The following FBXO32 variants were observed in gnomAD, a reference collection of about 807,000 sequenced individuals.
The protein encoded by FBXO32 is F-box only protein 32.
Under a neutral mutation model 48.3 loss-of-function variants are expected in FBXO32, and 15 were observed. The observed-to-expected ratio is 0.31, with a 90% CI of 0.21 to 0.48. FBXO32 has a LOEUF of 0.48. FBXO32 is among the 20% of genes least tolerant of loss of function. The pLI is 0.99. For missense variants in FBXO32, 309 were observed against 432.7 expected, an observed-to-expected ratio of 0.71 and a Z score of 2.54; for synonymous variants, 154 against 165.9, an observed-to-expected ratio of 0.93 and a Z score of 0.55.
chr8:123,531,223 C>A (rs1199708969), intron 4 of FBXO32, among the ~76,000 whole-genome samples: 1 of 152,048 alleles, frequency 6.6e-6, no homozygotes, highest in Non-Finnish European at 1.5e-5. Context: ...CTCAGGTGAT[C>A]CGCCCGCTTT....
intron 4 of FBXO32, among the ~76,000 whole-genome samples, chr8:123,524,453 C>T (rs1817029639): frequency 6.6e-6 from 1 of 152,204 alleles, no homozygotes; most frequent in South Asian, 2.1e-4. Context: ...GACCCCAGTA[C>T]CAAGATGTGG....
rs866339146 is a variant in FBXO32, at chr8:123,534,798, C to T, written c.133G>A (p.Val45Ile). ...TTGAAAAGATTCTCCTTATTGTATA[C>T]CTCCTTGTTGCAGTAACTATGAATA... ...SDLSSYCNKE[V>I]YNKENLFNSL... The change falls in exon 2 of 9, where the codon GTA becomes ATA. Residue 45 changes from valine to isoleucine, a missense_variant. Val to Ile is a conservative substitution (Grantham distance 29). Coordinates refer to ENST00000517956, the MANE Select transcript of FBXO32 (RefSeq NM_058229.4). 6.2e-7 allele frequency: 1 copy of T among 1,610,752 alleles called. No homozygotes were observed. The highest frequency in any genetic ancestry group is 8.5e-7 in the Non-Finnish European group (1 of 1,177,442).
At chr8:123,522,360 C>T (rs1384181561) in intron 4 of FBXO32, among the ~76,000 whole-genome samples, 1 of 152,000 alleles carries the variant, frequency 6.6e-6, no homozygotes, top group African/African-American at 2.4e-5. Context: ...AAGTGCCTGC[C>T]ACCATGTCCG....
Position 123,513,165 on chromosome 8 carries a change from A to G in FBXO32, c.651+33T>C. The G allele has an allele frequency of 6.2e-7, 1 of 1,611,966 alleles. No homozygotes were observed. The highest frequency in any genetic ancestry group is 8.5e-7 in the Non-Finnish European group (1 of 1,178,228). ...GTCCAGTATCCCTGTGGAGGGACCC[A>G]CTGCCGGGAGGAGGCTGGGCCTGCC... is the stretch of plus-strand genomic sequence containing the variant. On this transcript the variant is annotated intron_variant, in intron 6 of 8. Transcript: ENST00000517956. The surrounding 1 kb of genome is among the most constrained non-coding windows in gnomAD (Gnocchi z 4.3).
At chr8:123,532,066 A>G in intron 3 of FBXO32, 76 bp from the exon 4 acceptor site, 1 of 1,591,134 alleles carries the variant, frequency 6.3e-7, no homozygotes, top group Non-Finnish European at 8.5e-7. Context: ...GCCAGTTAGA[A>G]CAACCCAACT....
intron 8 of FBXO32, 84 bp downstream of exon 8, chr8:123,504,520 C>T (rs1214936850): frequency 2.2e-5 from 27 of 1,206,998 alleles, no homozygotes; most frequent in East Asian, 5.3e-5. Flanking sequence ...GGCGGAAAGG[C>T]GCTGGCCTCA....
At chr8:123,531,271 C>T (rs1410949333) in intron 4 of FBXO32, among the ~76,000 whole-genome samples, 8 of 152,098 alleles carry the variant, frequency 5.3e-5, no homozygotes, top group South Asian at 2.1e-4. Context: ...TGTGAGCCAC[C>T]GCACCCGGCC....
chr8:123,518,513 T>C (rs1816883997), intron 4 of FBXO32, among the ~76,000 whole-genome samples: 1 of 152,228 alleles, frequency 6.6e-6, no homozygotes, highest in African/African-American at 2.4e-5. Context: ...GTGATACATT[T>C]AATAGCACCC....
intron 6 of FBXO32, among the ~76,000 whole-genome samples, chr8:123,509,190 G>A (rs776327615): frequency 1.5e-4 from 23 of 152,024 alleles, no homozygotes; most frequent in Non-Finnish European, 2.8e-4. Flanking sequence ...AAATTTTGCA[G>A]GAAAACAAAA....
chr8:123,513,527 T>C lies in FBXO32; in HGVS notation c.467-145A>G, dbSNP rs1472264190. On this transcript the variant is annotated intron_variant, in intron 5 of 8. Transcript: ENST00000517956. The surrounding 1 kb of genome is among the most constrained non-coding windows in gnomAD (Gnocchi z 4.3). ...TGGTTTTCTTCCTCACCAGTGTTTA[T>C]TGTACGCTTGGCCAAGCTTCTGCAC... 2 of 706,936 alleles carry C rather than the reference T, an allele frequency of 2.8e-6. No homozygotes were observed. Among genetic ancestry groups the C allele is most frequent in the African/African-American group, 1.8e-5 (1 of 55,934 alleles). The allele number at this position is 706,936 out of a possible 1,614,324, so 43.8% of individuals were successfully genotyped here.
chr8:123,540,986 G>A lies in FBXO32; in HGVS notation c.29C>T (p.Ser10Phe). The change falls in exon 1 of 9, where the codon TCC (serine) becomes TTC (phenylalanine). Residue 10 changes from serine (S) to phenylalanine (F), a missense_variant. Coordinates refer to ENST00000517956, the MANE Select transcript of FBXO32 (RefSeq NM_058229.4). The surrounding 1 kb of genome is among the most constrained non-coding windows in gnomAD (Gnocchi z 6.4). ...CGTCTTCACCCAGTTCTGCCCGGGG[G>A]ACCGCCAGTCCTGCCCGAGGAATGG... The part of the protein sequence containing the change: MPFLGQDWR[S>F]PGQNWVKTAD... The A allele has an allele frequency of 6.2e-7, 1 of 1,612,408 alleles. No homozygotes were observed.
At chr8:123,523,407 T>C (rs1817002240) in intron 4 of FBXO32, among the ~76,000 whole-genome samples, 1 of 152,104 alleles carries the variant, frequency 6.6e-6, no homozygotes, top group African/African-American at 2.4e-5. Context: ...CTGGCCAATA[T>C]GGTGAAACCC....
At position 123,541,125 on chromosome 8, in the gene FBXO32, G is replaced by A. The variant is rs553371841; in HGVS notation, c.-111C>T. 91 of 555,906 alleles carry A rather than the reference G, an allele frequency of 1.6e-4. No individual in the cohort carries two copies. In the East Asian group the frequency reaches 2.5e-3, roughly 15 times the overall value. 34.4% of individuals were successfully genotyped at this position (555,906 alleles called of 1,614,324 possible). ...TGCAGGGGCCCGCGACGGGGGCGGC[G>A]GGGCGGCGGGAACGGCGCGGGGCAC... On this transcript the variant is annotated 5_prime_UTR_variant, in exon 1 of 9. Transcript: ENST00000517956.
intron 1 of FBXO32, among the ~76,000 whole-genome samples, chr8:123,537,205 A>G (rs1173668430): frequency 6.6e-6 from 1 of 152,078 alleles, no homozygotes; most frequent in Non-Finnish European, 1.5e-5. Context: ...TTAACAAGAA[A>G]AACCACCACC....
At chr8:123,530,997 T>TA (rs1817194373) in intron 4 of FBXO32, among the ~76,000 whole-genome samples, 1 of 103,620 alleles carries the variant, frequency 9.7e-6, no homozygotes, top group Non-Finnish European at 1.9e-5. Context: ...TTTTTTTTTT[T>TA]ACATGGAGTC....
Position 123,525,005 on chromosome 8 carries a change from C to A in FBXO32, c.372+6893G>T, listed in dbSNP as rs989303162. On this transcript the variant is annotated intron_variant, in intron 4 of 8. Coordinates refer to ENST00000517956, the MANE Select transcript of FBXO32 (RefSeq NM_058229.4). The surrounding 1 kb of genome is among the most constrained non-coding windows in gnomAD (Gnocchi z 4.3). ...ATCCAAGGTCACTGTGGCAGAGGAA[C>A]CTGTGTGAAGGGGCCAGGATGCTGA... Among the ~76,000 whole-genome samples the A allele has an allele frequency of 6.6e-6, 1 of 152,220 alleles. No homozygotes were observed. The highest frequency in any genetic ancestry group is 1.5e-5 in the Non-Finnish European group (1 of 68,042).
chr8:123,531,828 C>T, intron 4 of FBXO32, 70 bp downstream of exon 4: 1 of 1,576,176 alleles, frequency 6.3e-7, no homozygotes, highest in Non-Finnish European at 8.6e-7. Context: ...GAAACTACTT[C>T]AAGACAACCC....
At chr8:123,507,441 G>T (rs916564493) in intron 6 of FBXO32, among the ~76,000 whole-genome samples, 1 of 98,062 alleles carries the variant, frequency 1.0e-5, no homozygotes, top group Non-Finnish European at 2.1e-5. Context: ...GTGCTAGGGT[G>T]TGTGTGTGTG....
At chr8:123,514,126 C>T (rs1816790550) in intron 5 of FBXO32, 114 bp downstream of exon 5, 1 of 701,170 alleles carries the variant, frequency 1.4e-6, no homozygotes, top group Non-Finnish European at 2.4e-6. Context: ...TGGAGTTATT[C>T]ATTTCCATCC....
Sources: allele counts gnomAD v4.1 joint callset (sites outside exome capture counted in the v4.1 genomes callset), GRCh38; gene constraint gnomAD v4.1.1; non-coding constraint Gnocchi (gnomAD v3.1); transcripts MANE v1.5; gene names NCBI Gene and HGNC (gene_info 2026-07-23, HGNC 2026-07-21).